The following CDC42BPA variants were observed in gnomAD, a reference collection of about 807,000 sequenced individuals.
CDC42BPA encodes the protein serine/threonine-protein kinase MRCK alpha.
Under a neutral mutation model 223.5 loss-of-function variants are expected in CDC42BPA, and 80 were observed. That is an observed-to-expected ratio of 0.36 (90% CI 0.30 to 0.43). The LOEUF (loss-of-function observed/expected upper bound fraction) is 0.43. CDC42BPA is among the 20% of genes least tolerant of loss of function. CDC42BPA has a pLI of 1.00. For synonymous variants in CDC42BPA, 694 were observed against 718.6 expected (o/e 0.97, Z 0.55); for missense variants, 1,743 against 2,099.9 (o/e 0.83, Z 3.32).
intron 2 of CDC42BPA, among the ~76,000 whole-genome samples, chr1:227,228,097 A>G (rs957607978): frequency 6.6e-6 from 1 of 151,640 alleles, no homozygotes; most frequent in Admixed American, 6.6e-5. Flanking sequence ...GGAACAACAC[A>G]CAGTGAGGCC....
intron 10 of CDC42BPA, 56 bp downstream of exon 10, chr1:227,139,520 C>A: frequency 8.6e-7 from 1 of 1,165,936 alleles, no homozygotes; most frequent in Non-Finnish European, 1.2e-6. Flanking sequence ...TAATAAACAG[C>A]TCATAACACT....
chr1:227,231,935 G>A (rs910546609), intron 2 of CDC42BPA, among the ~76,000 whole-genome samples: 11 of 152,186 alleles, frequency 7.2e-5, no homozygotes, highest in African/African-American at 2.7e-4. Context: ...TCTGTAGGCT[G>A]CCTTTCACTC....
At position 226,991,455 on chromosome 1, in the gene CDC42BPA, G is replaced by A. The variant is rs1353936051; in HGVS notation, c.*2813C>T. On this transcript the variant is annotated 3_prime_UTR_variant, in exon 37 of 37. Transcript: ENST00000366766. ...TAACAGGCTTCATATTTAAGGGTGG[G>A]ATAAACCCAGTAGGATGACCGTTAT... The A allele has an allele frequency of 6.6e-6, 1 of 152,102 alleles. No homozygotes were observed. Among genetic ancestry groups the A allele is most frequent in the Non-Finnish European group, 1.5e-5 (1 of 68,032 alleles). The allele number at this position is 152,102 out of a possible 1,614,324, so 9.4% of individuals were successfully genotyped here.
At chr1:227,183,492 CT>C (rs1222442274) in intron 5 of CDC42BPA, 12 of 152,324 alleles carry the variant, frequency 7.9e-5, no homozygotes, top group African/African-American at 2.9e-4. Flanking sequence ...GCATAACACC[CT>C]TGAGGCCCCT....
chr1:227,026,261 C>A (rs1668223523), intron 30 of CDC42BPA, 109 bp from the exon 31 acceptor site: 3 of 612,258 alleles, frequency 4.9e-6, no homozygotes, highest in Admixed American at 3.3e-5. Flanking sequence ...CCACCCAAAT[C>A]CTATGGGGCT....
intron 24 of CDC42BPA, among the ~76,000 whole-genome samples, chr1:227,037,293 G>A (rs909129095): frequency 1.3e-5 from 2 of 152,076 alleles, no homozygotes; most frequent in African/African-American, 4.8e-5. Flanking sequence ...ATCTTTTCCT[G>A]TTGCCTTCCC....
chr1:227,298,426 T>C (rs1002087678), intron 1 of CDC42BPA, among the ~76,000 whole-genome samples: 5 of 152,114 alleles, frequency 3.3e-5, no homozygotes, highest in Admixed American at 3.3e-4. Context: ...AACATGTATA[T>C]AAACAAGCTA....
intron 31 of CDC42BPA, among the ~76,000 whole-genome samples, chr1:227,025,599 T>C (rs911452959): frequency 2.6e-5 from 4 of 152,182 alleles, no homozygotes; most frequent in African/African-American, 4.8e-5. Context: ...ATTAGGAATA[T>C]ATGAAATATT....
At chr1:227,035,208 A>C (rs928889008) in intron 25 of CDC42BPA, among the ~76,000 whole-genome samples, 1 of 152,198 alleles carries the variant, frequency 6.6e-6, no homozygotes, top group African/African-American at 2.4e-5. Flanking sequence ...CTCTTGCAAG[A>C]GCAGGGGCCA....
chr1:227,054,586 G>A (rs1368797404), intron 21 of CDC42BPA, among the ~76,000 whole-genome samples: 1 of 152,122 alleles, frequency 6.6e-6, no homozygotes, highest in South Asian at 2.1e-4. Context: ...GGATATTGGA[G>A]AAAGGAAAAA....
rs111607428 is a variant in CDC42BPA at position 227,223,157 on chromosome 1, G to A, written c.271-9938C>T. On this transcript the variant is annotated intron_variant, in intron 2 of 36. Transcript: ENST00000366766. Reference sequence around the variant, plus strand: ...TTTTTAAATGAAGTGGCTGACACCTGAGTCTTACACAGTGAACTCCAGAAA... The same window carrying A: ...TTTTTAAATGAAGTGGCTGACACCTAAGTCTTACACAGTGAACTCCAGAAA... Among the ~76,000 whole-genome samples, 1,088 of 151,708 alleles carry A rather than the reference G, an allele frequency of 7.2e-3. 1 individual carries two copies. Among genetic ancestry groups the A allele is most frequent in the Middle Eastern group, 0.017 (5 of 294 alleles).
chr1:227,145,155 G>C (rs1300191484), intron 8 of CDC42BPA, among the ~76,000 whole-genome samples: 2 of 152,058 alleles, frequency 1.3e-5, no homozygotes, highest in Non-Finnish European at 2.9e-5. Flanking sequence ...ATGGTTTTAG[G>C]GAGAAATTTG....
At chr1:227,020,008 T>A (rs1667079610) in intron 32 of CDC42BPA, among the ~76,000 whole-genome samples, 1 of 152,182 alleles carries the variant, frequency 6.6e-6, no homozygotes, top group South Asian at 2.1e-4. Flanking sequence ...GCGATTCTCC[T>A]GCCTCAGCCT....
At chr1:227,105,661 G>C (rs186788720) in intron 14 of CDC42BPA, among the ~76,000 whole-genome samples, 65 of 152,066 alleles carry the variant, frequency 4.3e-4, no homozygotes, top group African/African-American at 1.6e-3. Flanking sequence ...GCCTGAATTT[G>C]CCTATTCTAA....
chr1:227,179,974 A>G (rs1309290650), intron 5 of CDC42BPA, among the ~76,000 whole-genome samples: 1 of 152,138 alleles, frequency 6.6e-6, no homozygotes, highest in African/African-American at 2.4e-5. Context: ...TTGGGAGGCC[A>G]TGGAGGGCGG....
At chr1:227,007,948 T>C (rs1203446710) in intron 34 of CDC42BPA, among the ~76,000 whole-genome samples, 3 of 152,204 alleles carry the variant, frequency 2.0e-5, no homozygotes, top group African/African-American at 7.2e-5. Flanking sequence ...ACACTGTTGG[T>C]AGGCACACCC....
chr1:227,049,176 A>G (rs1487567642), intron 22 of CDC42BPA, among the ~76,000 whole-genome samples: 2 of 152,050 alleles, frequency 1.3e-5, no homozygotes, highest in African/African-American at 2.4e-5. Context: ...AGTTAATAAA[A>G]AACAATAGGA....
chr1:227,180,123 T>C (rs1667691531), intron 5 of CDC42BPA, among the ~76,000 whole-genome samples: 1 of 152,064 alleles, frequency 6.6e-6, no homozygotes, highest in Non-Finnish European at 1.5e-5. Flanking sequence ...CGAGACTCGC[T>C]TGAACGCAGG....
At position 227,293,600 on chromosome 1, in the gene CDC42BPA, C is replaced by T. The variant is rs541648618; in HGVS notation, c.178+23405G>A. Among the ~76,000 whole-genome samples, 39 of 149,484 alleles carry T rather than the reference C, an allele frequency of 2.6e-4. 1 individual carries two copies. In the South Asian group the frequency reaches 7.4e-3, roughly 28 times the overall value. On this transcript the variant is annotated intron_variant, in intron 1 of 36. Transcript: ENST00000366766. ...AGCACTTTGGGGAGGCCTAGGTGGA[C>T]GGATCACCTGAGGTCGGGAGTTTGA... is the stretch of plus-strand genomic sequence containing the variant.
Sources: allele counts gnomAD v4.1 joint callset (sites outside exome capture counted in the v4.1 genomes callset), GRCh38; gene constraint gnomAD v4.1.1; transcripts MANE v1.5; gene names NCBI Gene and HGNC (gene_info 2026-07-23, HGNC 2026-07-21).